MAGI2: variants seen among roughly 807,000 people sequenced by gnomAD.
MAGI2 encodes the protein membrane-associated guanylate kinase, WW and PDZ domain-containing protein 2.
In MAGI2, 35 loss-of-function variants were observed where a neutral mutation model predicts 133.3. The observed-to-expected ratio is 0.26, with a 90% CI of 0.20 to 0.35. MAGI2 has a LOEUF of 0.35. Ranked by LOEUF, MAGI2 falls within the 10% of genes least tolerant of loss-of-function variation. The pLI, the probability that MAGI2 is intolerant of heterozygous loss-of-function variation, is 1.00. For missense variants in MAGI2, 1,636 were observed against 1,863.4 expected, an observed-to-expected ratio of 0.88 and a Z score of 2.25; for synonymous variants, 729 against 710.6, an observed-to-expected ratio of 1.03 and a Z score of -0.41.
intron 9 of MAGI2, among the ~76,000 whole-genome samples, chr7:78,324,561 T>C (rs538274977): frequency 6.6e-6 from 1 of 150,842 alleles, no homozygotes; most frequent in African/African-American, 2.4e-5. Flanking sequence ...TTAGATATTA[T>C]ATATTAAGAA....
In MAGI2 at chr7:78,017,665, A is replaced by T. The variant is rs1363158696; in HGVS notation, c.*1650T>A. 1 of 152,662 alleles carries T rather than the reference A, an allele frequency of 6.6e-6. No individual in the cohort carries two copies. Among genetic ancestry groups the T allele is most frequent in the Non-Finnish European group, 1.5e-5 (1 of 68,040 alleles). 9.5% of individuals were successfully genotyped at this position (152,662 alleles called of 1,614,324 possible). A position where few individuals can be genotyped will look rare whatever the true frequency, so the allele number is the denominator to read the frequency against. ...GCTTTTACAAGCTGCAAGATCCTTC[A>T]CTTGAGGCTTTCAGCCTTATTCTCC... is the stretch of plus-strand genomic sequence containing the variant. On this transcript the variant is annotated 3_prime_UTR_variant, in exon 22 of 22. Coordinates refer to ENST00000354212, the MANE Select transcript of MAGI2 (RefSeq NM_012301.4).
intron 1 of MAGI2, among the ~76,000 whole-genome samples, chr7:79,334,527 C>G (rs950198684): frequency 6.6e-5 from 10 of 152,116 alleles, no homozygotes; most frequent in South Asian, 2.1e-4. Context: ...GGCTGTTAAA[C>G]AATTTGAATA....
At chr7:79,258,180 G>A (rs118109138) in intron 1 of MAGI2, among the ~76,000 whole-genome samples, 7 of 152,280 alleles carry the variant, frequency 4.6e-5, no homozygotes, top group Non-Finnish European at 8.8e-5. Context: ...CATTCACTCT[G>A]TCCTCAGAGA....
chr7:78,445,934 T>G (rs1454536681), intron 6 of MAGI2, among the ~76,000 whole-genome samples: 1 of 151,854 alleles, frequency 6.6e-6, no homozygotes, highest in Non-Finnish European at 1.5e-5. Flanking sequence ...TTTTTATTTT[T>G]AAAAATATTT....
At position 79,186,761 on chromosome 7, in the gene MAGI2, A is replaced by ATATTTATACAAAAG. The variant is rs1554399246; in HGVS notation, c.302-179556_302-179555insCTTTTGTATAAATA. Among the ~76,000 whole-genome samples the ATATTTATACAAAAG allele has an allele frequency of 3.9e-3, 397 of 102,796 alleles. 4 individuals carry two copies. Among genetic ancestry groups the ATATTTATACAAAAG allele is most frequent in the African/African-American group, 0.013 (365 of 28,324 alleles). 67.4% of individuals were successfully genotyped at this position (102,796 alleles called of 152,430 possible). On this transcript the variant is annotated intron_variant, in intron 1 of 21. Coordinates refer to ENST00000354212, the MANE Select transcript of MAGI2 (RefSeq NM_012301.4). The stretch of plus-strand genomic sequence containing the variant: ...TATATTTATACAAAAGTATATATAT[A>ATATTTATACAAAAG]TATATATATATATATACACACACAC...
At chr7:78,521,714 T>C in intron 3 of MAGI2, 69 bp from the exon 4 acceptor site, 4 of 1,323,362 alleles carry the variant, frequency 3.0e-6, no homozygotes, top group East Asian at 2.3e-5. Context: ...TTGTGAAGAA[T>C]GGAAATTATA....
intron 9 of MAGI2, among the ~76,000 whole-genome samples, chr7:78,288,837 A>G (rs2151033341): frequency 6.6e-6 from 1 of 152,328 alleles, no homozygotes; most frequent in East Asian, 1.9e-4. Context: ...CCAGGCAAAC[A>G]GGGTCTGGAG....
intron 16 of MAGI2, among the ~76,000 whole-genome samples, chr7:78,151,024 T>C (rs1823815552): frequency 6.6e-6 from 1 of 150,498 alleles, no homozygotes; most frequent in African/African-American, 2.4e-5. Flanking sequence ...AGTGTTCCGG[T>C]ATCAGGGGAC....
intron 2 of MAGI2, among the ~76,000 whole-genome samples, chr7:78,996,369 C>T (rs538274596): frequency 6.6e-6 from 1 of 152,086 alleles, no homozygotes; most frequent in African/African-American, 2.4e-5. Flanking sequence ...CTGAGATATA[C>T]CTTGATGTTT....
chr7:79,149,275 A>G (rs1822967420), intron 1 of MAGI2, among the ~76,000 whole-genome samples: 1 of 151,246 alleles, frequency 6.6e-6, no homozygotes, highest in African/African-American at 2.4e-5. Flanking sequence ...CTATCACCCA[A>G]TCAAATAAGT....
At chr7:78,446,813 T>A (rs775662271) in intron 6 of MAGI2, among the ~76,000 whole-genome samples, 1 of 152,098 alleles carries the variant, frequency 6.6e-6, no homozygotes, top group Non-Finnish European at 1.5e-5. Context: ...ATTTTAGGCA[T>A]TGCAATTATG....
intron 6 of MAGI2, among the ~76,000 whole-genome samples, chr7:78,421,827 A>G (rs938860900): frequency 1.3e-5 from 2 of 152,108 alleles, no homozygotes; most frequent in Non-Finnish European, 2.9e-5. Flanking sequence ...ACATAAACAA[A>G]AACATCACAG....
At chr7:79,119,967 T>A (rs1426053265) in intron 1 of MAGI2, among the ~76,000 whole-genome samples, 1 of 152,126 alleles carries the variant, frequency 6.6e-6, no homozygotes, top group Non-Finnish European at 1.5e-5. Context: ...CTGATTTATA[T>A]GTTTAAATTC....
intron 1 of MAGI2, among the ~76,000 whole-genome samples, chr7:79,226,883 G>T (rs1830907145): frequency 1.3e-5 from 2 of 152,094 alleles, no homozygotes; most frequent in African/African-American, 4.8e-5. Flanking sequence ...AATACAAAAT[G>T]ATTAGAATAT....
At chr7:78,439,880 G>A (rs1787424805) in intron 6 of MAGI2, among the ~76,000 whole-genome samples, 1 of 151,980 alleles carries the variant, frequency 6.6e-6, no homozygotes, top group Non-Finnish European at 1.5e-5. Context: ...GTGGCTGCTT[G>A]GTCCAGTAAT....
At chr7:79,162,763 A>G (rs776732840) in intron 1 of MAGI2, among the ~76,000 whole-genome samples, 6 of 152,108 alleles carry the variant, frequency 3.9e-5, no homozygotes, top group Non-Finnish European at 8.8e-5. Flanking sequence ...ATTCTTTTGC[A>G]GAACAATGCT....
chr7:78,423,302 G>T (rs536405572), intron 6 of MAGI2, among the ~76,000 whole-genome samples: 1 of 152,168 alleles, frequency 6.6e-6, no homozygotes, highest in Admixed American at 6.5e-5. Context: ...CGCCATCTCC[G>T]TAAGATGTGA....
At chr7:79,020,991 G>C (rs1387455345) in intron 1 of MAGI2, among the ~76,000 whole-genome samples, 2 of 152,326 alleles carry the variant, frequency 1.3e-5, no homozygotes, top group Admixed American at 1.3e-4. Context: ...TTCAGCTCCA[G>C]CTGTGGCTGA....
At chr7:78,162,558 G>A (rs1408308872) in intron 15 of MAGI2, among the ~76,000 whole-genome samples, 3 of 149,648 alleles carry the variant, frequency 2.0e-5, no homozygotes, top group African/African-American at 2.5e-5. Context: ...AACGAAAGAA[G>A]AATTATCTGT....
Sources: allele counts gnomAD v4.1 joint callset (sites outside exome capture counted in the v4.1 genomes callset), GRCh38; gene constraint gnomAD v4.1.1; transcripts MANE v1.5; gene names NCBI Gene and HGNC (gene_info 2026-07-23, HGNC 2026-07-21).